The following TRPM3 variants were observed in gnomAD, a reference collection of about 807,000 sequenced individuals.
TRPM3 encodes transient receptor potential cation channel subfamily M member 3, also known as long transient receptor potential channel 3.
TRPM3 carries 77 observed loss-of-function variants against 181.2 expected under a neutral mutation model. The observed-to-expected ratio is 0.42, with a 90% confidence interval of 0.35 to 0.51. TRPM3 has a LOEUF of 0.51. Among genes scored for constraint, TRPM3 ranks in the 20% least tolerant of loss-of-function variants. The pLI is 0.01. For synonymous variants in TRPM3, 745 were observed against 796.4 expected, an observed-to-expected ratio of 0.94 and a Z score of 1.09; for missense variants, 1,759 against 2,196.7, an observed-to-expected ratio of 0.80 and a Z score of 3.98.
intron 1 of TRPM3, among the ~76,000 whole-genome samples, chr9:71,393,216 A>G (rs999272635): frequency 6.6e-6 from 1 of 152,210 alleles, no homozygotes; most frequent in African/African-American, 2.4e-5. Context: ...AGGTTTCTAT[A>G]GCAATAAAAC....
intron 21 of TRPM3, among the ~76,000 whole-genome samples, 175 bp downstream of exon 21, chr9:70,598,244 G>T (rs914059252): frequency 6.6e-6 from 1 of 152,102 alleles, no homozygotes; most frequent in Non-Finnish European, 1.5e-5. Flanking sequence ...CTCCAGTTTT[G>T]TATATAGATG....
intron 1 of TRPM3, among the ~76,000 whole-genome samples, chr9:70,896,397 A>G (rs2096278996): frequency 6.6e-6 from 1 of 152,222 alleles, no homozygotes; most frequent in African/African-American, 2.4e-5. Flanking sequence ...AGAACTCTTG[A>G]AAACATATTG....
At chr9:71,235,770 T>G (rs1197844971) in intron 1 of TRPM3, among the ~76,000 whole-genome samples, 1 of 152,198 alleles carries the variant, frequency 6.6e-6, no homozygotes, top group Non-Finnish European at 1.5e-5. Context: ...TGGGTGCCAA[T>G]CTGGATGTTT....
At chr9:71,293,143 C>G (rs999450360) in intron 1 of TRPM3, among the ~76,000 whole-genome samples, 1 of 151,616 alleles carries the variant, frequency 6.6e-6, no homozygotes, top group Non-Finnish European at 1.5e-5. Flanking sequence ...TAAAATACAA[C>G]TTCATCTTGA....
At chr9:70,699,522 T>C (rs17055711) in intron 8 of TRPM3, among the ~76,000 whole-genome samples, 7,698 of 152,266 alleles carry the variant, frequency 0.051, 227 homozygotes, top group South Asian at 0.11. Flanking sequence ...CTACGGATGA[T>C]CTTCAATGAT....
intron 9 of TRPM3, among the ~76,000 whole-genome samples, chr9:70,679,352 A>G (rs898938790): frequency 6.6e-6 from 1 of 152,262 alleles, no homozygotes; most frequent in Non-Finnish European, 1.5e-5. Flanking sequence ...CAACTATTCT[A>G]TAATGCAATG....
At chr9:71,112,411 C>A (rs1208616459) in intron 1 of TRPM3, among the ~76,000 whole-genome samples, 1 of 152,162 alleles carries the variant, frequency 6.6e-6, no homozygotes, top group Non-Finnish European at 1.5e-5. Context: ...GTCACTTTCA[C>A]TGAGCACGAA....
chr9:70,815,350 A>AAT (rs1196727500), intron 6 of TRPM3, among the ~76,000 whole-genome samples: 23 of 152,252 alleles, frequency 1.5e-4, no homozygotes, highest in African/African-American at 5.3e-4. Context: ...TATTGTGGTA[A>AAT]ATATATGTAA....
intron 1 of TRPM3, among the ~76,000 whole-genome samples, chr9:71,414,629 T>G (rs2093610030): frequency 6.6e-6 from 1 of 152,034 alleles, no homozygotes; most frequent in Admixed American, 6.6e-5. Flanking sequence ...TCAGGGAAAT[T>G]CTCAGGTACA....
At chr9:70,610,897 T>G in intron 18 of TRPM3, 148 bp from the exon 19 acceptor site, 2 of 880,900 alleles carry the variant, frequency 2.3e-6, no homozygotes, top group Admixed American at 5.5e-5. Context: ...TCCCTAAGAG[T>G]GCATTTGCAC....
Position 71,192,776 on chromosome 9 carries a change from T to C in TRPM3, c.183+253877A>G, listed in dbSNP as rs540724258. On this transcript the variant is annotated intron_variant, in intron 1 of 24. Transcript: ENST00000357533. ...TTAGGTTGATGTAGTCCCAATTGTT[T>C]ATTTGTGCTTCTGTTGCTCATGCTT... Among the ~76,000 whole-genome samples the C allele has an allele frequency of 4.6e-5, 7 of 151,932 alleles. No homozygotes were observed. The East Asian group carries it at 1.4e-3, about 29-fold the overall frequency.
intron 8 of TRPM3, among the ~76,000 whole-genome samples, chr9:70,742,554 T>G (rs1236031494): frequency 1.3e-5 from 2 of 152,192 alleles, no homozygotes; most frequent in African/African-American, 4.8e-5. Context: ...TTTGTATCCT[T>G]TAACAAATCT....
At chr9:70,774,418 C>A (rs72614626) in intron 7 of TRPM3, 22,986 of 152,040 alleles carry the variant, frequency 0.15, 2,320 homozygotes, top group East Asian at 0.39. Flanking sequence ...ATGTAACATA[C>A]AAAATGTATG....
intron 1 of TRPM3, among the ~76,000 whole-genome samples, chr9:71,118,907 C>T (rs2073024909): frequency 1.3e-5 from 2 of 152,082 alleles, no homozygotes; most frequent in African/African-American, 4.8e-5. Context: ...AGAGCATTTA[C>T]CAAAACATGC....
At chr9:70,937,611 GGTAA>G (rs2096841276) in intron 1 of TRPM3, among the ~76,000 whole-genome samples, 1 of 152,098 alleles carries the variant, frequency 6.6e-6, no homozygotes, top group Non-Finnish European at 1.5e-5. Flanking sequence ...TAAACCTGTA[GGTAA>G]GTAACTTGTA....
intron 1 of TRPM3, among the ~76,000 whole-genome samples, chr9:71,369,421 G>C (rs932776289): frequency 6.6e-6 from 1 of 152,164 alleles, no homozygotes; most frequent in African/African-American, 2.4e-5. Context: ...TAGAGATACT[G>C]AACAAAAATA....
chr9:71,169,828 A>G (rs1255217739), intron 1 of TRPM3, among the ~76,000 whole-genome samples: 1 of 150,788 alleles, frequency 6.6e-6, no homozygotes, highest in African/African-American at 2.4e-5. Context: ...AATATTTTTT[A>G]TATTTTTATA....
chr9:71,145,109 A>C (rs2075332221), intron 1 of TRPM3, among the ~76,000 whole-genome samples: 1 of 152,204 alleles, frequency 6.6e-6, no homozygotes, highest in African/African-American at 2.4e-5. Flanking sequence ...TGTTTTGAAT[A>C]TTATTCTTAG....
At chr9:70,585,135 T>C (rs1458074988) in intron 22 of TRPM3, among the ~76,000 whole-genome samples, 1 of 152,240 alleles carries the variant, frequency 6.6e-6, no homozygotes, top group East Asian at 1.9e-4. Context: ...GTAAATGCTT[T>C]GTCCTGTTGC....
Sources: allele counts gnomAD v4.1 joint callset (sites outside exome capture counted in the v4.1 genomes callset), GRCh38; gene constraint gnomAD v4.1.1; transcripts MANE v1.5; gene names NCBI Gene and HGNC (gene_info 2026-07-23, HGNC 2026-07-21).